Variants in LIFR observed in about 807,000 individuals in gnomAD.
LIFR encodes leukemia inhibitory factor receptor.
In LIFR, 84 loss-of-function variants were observed where a neutral mutation model predicts 122.2. The observed-to-expected ratio is 0.69, with a 90% CI of 0.58 to 0.82. The LOEUF (loss-of-function observed/expected upper bound fraction) is 0.82, where lower values mean the gene tolerates loss of function less well. LIFR is among the 40% of genes least tolerant of loss of function. LIFR has a pLI of 0.00. For missense variants in LIFR, 1,294 were observed against 1,311.6 expected (o/e 0.99, Z 0.21); for synonymous variants, 422 against 434.7 (o/e 0.97, Z 0.36).
At chr5:38,573,919 AG>A (rs1339006549) in intron 1 of LIFR, among the ~76,000 whole-genome samples, 1 of 152,154 alleles carries the variant, frequency 6.6e-6, no homozygotes. Flanking sequence ...GAGGCAGACC[AG>A]CCTGGCCAAC....
intron 3 of LIFR, among the ~76,000 whole-genome samples, chr5:38,527,541 T>G (rs1016996535): frequency 4.0e-5 from 6 of 151,448 alleles, no homozygotes; most frequent in African/African-American, 1.2e-4. Context: ...ACAGCTGGAG[T>G]TTTTGCATGC....
At chr5:38,547,613 TA>T (rs34596970) in intron 1 of LIFR, among the ~76,000 whole-genome samples, 7 of 151,308 alleles carry the variant, frequency 4.6e-5, no homozygotes, top group African/African-American at 7.3e-5. Flanking sequence ...TTGCCAACTT[TA>T]AAAAAAAAGT....
intron 1 of LIFR, among the ~76,000 whole-genome samples, chr5:38,567,512 T>TTATGTATTTATTTATTTATG (rs1239875099): frequency 2.0e-5 from 3 of 146,444 alleles, no homozygotes; most frequent in Admixed American, 6.9e-5. Flanking sequence ...ATTTATTTAT[T>TTATGTATTTATTTATTTATG]TATTTATTTA....
At chr5:38,591,314 A>G (rs1272590418) in intron 1 of LIFR, among the ~76,000 whole-genome samples, 2 of 152,228 alleles carry the variant, frequency 1.3e-5, no homozygotes, top group African/African-American at 4.8e-5. Flanking sequence ...AGTGGTAATT[A>G]TGTGCACATT....
At chr5:38,509,901 T>C (rs959232491) in intron 7 of LIFR, among the ~76,000 whole-genome samples, 1 of 152,208 alleles carries the variant, frequency 6.6e-6, no homozygotes, top group African/African-American at 2.4e-5. Context: ...GGTGATCATG[T>C]TAATAGACAC....
At chr5:38,493,971 A>T (rs150128629) in intron 13 of LIFR, among the ~76,000 whole-genome samples, 186 bp from the exon 14 acceptor site, 7 of 152,362 alleles carry the variant, frequency 4.6e-5, no homozygotes, top group Non-Finnish European at 8.8e-5. Context: ...TAACAACTGT[A>T]GCACTTACCT....
At chr5:38,597,778 G>A (rs984015164), upstream of LIFR, among the ~76,000 whole-genome samples, 1 of 152,220 alleles carries the variant, frequency 6.6e-6, no homozygotes, top group Admixed American at 6.5e-5. Flanking sequence ...CGTGGCAGTG[G>A]TGGGGAGGGA....
At chr5:38,559,847 G>A (rs552574275), upstream of LIFR, among the ~76,000 whole-genome samples, 3 of 152,070 alleles carry the variant, frequency 2.0e-5, no homozygotes, top group Admixed American at 6.6e-5. Context: ...CCAGCTACTG[G>A]CTCTTCTTTC....
intron 1 of LIFR, among the ~76,000 whole-genome samples, chr5:38,567,652 C>A (rs1749070431): frequency 6.6e-6 from 1 of 151,908 alleles, no homozygotes; most frequent in African/African-American, 2.4e-5. Flanking sequence ...CCTCAGCCTC[C>A]CAAATAGCTG....
At chr5:38,565,886 A>G (rs1271605659) in intron 1 of LIFR, among the ~76,000 whole-genome samples, 2 of 152,188 alleles carry the variant, frequency 1.3e-5, no homozygotes, top group South Asian at 4.1e-4. Flanking sequence ...TCCCAGCCCC[A>G]TTGTTGATTT....
At position 38,529,542 on chromosome 5, in the gene LIFR, TACTC is replaced by T. The variant is rs574874207; in HGVS notation, c.143-706_143-703del. Among the ~76,000 whole-genome samples, 39 of 152,236 alleles carry T rather than the reference TACTC, an allele frequency of 2.6e-4. 1 individual carries two copies. Among genetic ancestry groups the T allele is most frequent in the Admixed American group, 7.2e-4 (11 of 15,286 alleles). ...AGAAGATTACAATCCTACTAGTACTTACTCACATCTATAAAATAACATTACACCA... is the reference window on the plus strand; with the variant it reads ...AGAAGATTACAATCCTACTAGTACTTACATCTATAAAATAACATTACACCA... On this transcript the variant is annotated intron_variant, in intron 2 of 19. Transcript: ENST00000453190.
At chr5:38,605,166 C>T (rs1750300376) in intron 2 of LIFR, among the ~76,000 whole-genome samples, 1 of 152,066 alleles carries the variant, frequency 6.6e-6, no homozygotes, top group Admixed American at 6.5e-5. Context: ...CGTCTGGCCT[C>T]CACTTTACAT....
At chr5:38,487,877 G>A (rs759947339) in intron 16 of LIFR, among the ~76,000 whole-genome samples, 1 of 152,198 alleles carries the variant, frequency 6.6e-6, no homozygotes, top group Non-Finnish European at 1.5e-5. Context: ...AGGTACTGGA[G>A]AAGTTCCTTC....
intron 1 of LIFR, among the ~76,000 whole-genome samples, chr5:38,594,171 T>C (rs1750021544): frequency 6.6e-6 from 1 of 152,148 alleles, no homozygotes; most frequent in African/African-American, 2.4e-5. Context: ...AGAAGCATCC[T>C]GTGGTTTTGG....
chr5:38,500,114 C>T (rs1415401943), intron 11 of LIFR, among the ~76,000 whole-genome samples: 3 of 152,286 alleles, frequency 2.0e-5, no homozygotes, highest in East Asian at 3.9e-4. Flanking sequence ...CTATCACTTC[C>T]TCTCCTCTGT....
At chr5:38,535,545 T>C (rs1401999101) in intron 1 of LIFR, among the ~76,000 whole-genome samples, 2 of 152,134 alleles carry the variant, frequency 1.3e-5, no homozygotes, top group Admixed American at 6.6e-5. Flanking sequence ...AGGATAGAGA[T>C]TGAATGGTCC....
chr5:38,484,663 CTAACT>C, intron 18 of LIFR, 107 bp downstream of exon 18: 1 of 722,074 alleles, frequency 1.4e-6, no homozygotes, highest in South Asian at 1.6e-5. Flanking sequence ...CATTTTTTAA[CTAACT>C]TATTACAACA....
chr5:38,496,445 C>G lies in LIFR; in HGVS notation c.1822G>C (p.Val608Leu). The G allele has an allele frequency of 6.2e-7, 1 of 1,614,200 alleles. No individual in the cohort carries two copies. The highest frequency in any genetic ancestry group is 8.5e-7 in the Non-Finnish European group (1 of 1,180,000). ...GATGAGCCCACAGAATTTTTAGCCA[C>G]TACGCTGATGATGTAGTCATTCTTA... ...LDKNDYIISV[V>L]AKNSVGSSPP... The change falls in exon 13 of 20, where the codon GTG becomes CTG. Residue 608 changes from valine (V) to leucine (L), a missense_variant. Val to Leu is a conservative substitution (Grantham distance 32). Coordinates refer to ENST00000453190, the MANE Select transcript of LIFR (RefSeq NM_001127671.2).
chr5:38,482,274 C>T, intron 19 of LIFR, 56 bp from the exon 20 acceptor site: 1 of 1,531,676 alleles, frequency 6.5e-7, no homozygotes, highest in Non-Finnish European at 8.8e-7. Context: ...CATTGCAATG[C>T]TCCTCCTATA....
Sources: allele counts gnomAD v4.1 joint callset (sites outside exome capture counted in the v4.1 genomes callset), GRCh38; gene constraint gnomAD v4.1.1; transcripts MANE v1.5; gene names NCBI Gene and HGNC (gene_info 2026-07-23, HGNC 2026-07-21).